Variants in RNLS observed in about 807,000 individuals in gnomAD.
RNLS encodes the protein renalase, FAD dependent amine oxidase.
RNLS carries 39 observed loss-of-function variants against 39.8 expected under a neutral mutation model. The observed-to-expected ratio is 0.98, with a 90% CI of 0.76 to 1.28. The LOEUF (loss-of-function observed/expected upper bound fraction) is 1.28. Among genes scored for constraint, RNLS ranks in the 50% most tolerant of loss-of-function variants. The pLI, the probability that RNLS is intolerant of heterozygous loss-of-function variation, is 0.00. For missense variants in RNLS, 410 were observed against 413.3 expected, an observed-to-expected ratio of 0.99 and a Z score of 0.07; for synonymous variants, 147 against 150.7, an observed-to-expected ratio of 0.98 and a Z score of 0.18.
intron 4 of RNLS, among the ~76,000 whole-genome samples, chr10:88,481,789 A>AT (rs1271127346): frequency 1.3e-5 from 2 of 151,796 alleles, no homozygotes; most frequent in Non-Finnish European, 1.5e-5. Context: ...ATTGCTTTTC[A>AT]TTTTTTTTCT....
the RNLS span, among the ~76,000 whole-genome samples, chr10:88,257,716 G>A: frequency 6.6e-6 from 1 of 152,120 alleles, no homozygotes; most frequent in Non-Finnish European, 1.5e-5. Flanking sequence ...ATCTCAGGTG[G>A]ATTCCTGTGC....
chr10:88,305,164 C>T (rs747005108), intron 6 of RNLS, among the ~76,000 whole-genome samples: 10 of 152,078 alleles, frequency 6.6e-5, no homozygotes, highest in African/African-American at 2.4e-4. Flanking sequence ...TGAGGGAACT[C>T]GTTACCACCA....
intron 4 of RNLS, among the ~76,000 whole-genome samples, chr10:88,504,732 TG>T (rs1845690535): frequency 6.6e-6 from 1 of 152,026 alleles, no homozygotes; most frequent in African/African-American, 2.4e-5. Context: ...GAACAATAAT[TG>T]TAAGAAAATC....
chr10:88,469,390 T>C (rs1378434835), intron 4 of RNLS, among the ~76,000 whole-genome samples: 1 of 152,146 alleles, frequency 6.6e-6, no homozygotes, highest in African/African-American at 2.4e-5. Context: ...ACTGTATAAA[T>C]ACTGGGACAT....
At chr10:88,418,784 T>C (rs528160119) in intron 4 of RNLS, among the ~76,000 whole-genome samples, 14 of 152,312 alleles carry the variant, frequency 9.2e-5, no homozygotes, top group South Asian at 4.1e-4. Context: ...ATGGAGTATA[T>C]ACTACAAATG....
chr10:88,425,972 G>A (rs967272128), intron 4 of RNLS, among the ~76,000 whole-genome samples: 4 of 152,036 alleles, frequency 2.6e-5, no homozygotes, highest in Non-Finnish European at 4.4e-5. Flanking sequence ...GAATGCACAA[G>A]TGTCCCTGAA....
chr10:88,524,932 A>G (rs2134211993), intron 4 of RNLS, among the ~76,000 whole-genome samples: 1 of 131,926 alleles, frequency 7.6e-6, no homozygotes, highest in Middle Eastern at 3.9e-3. Context: ...CATGTATGCC[A>G]TATATATATA....
the RNLS span, among the ~76,000 whole-genome samples, chr10:88,179,423 A>ATC: frequency 9.3e-5 from 14 of 151,000 alleles, no homozygotes; most frequent in Non-Finnish European, 1.3e-4. Context: ...CTTTTAAAGA[A>ATC]TCTCTCTCTC....
At chr10:88,203,000 G>A in the RNLS span, among the ~76,000 whole-genome samples, 1 of 151,726 alleles carries the variant, frequency 6.6e-6, no homozygotes, top group African/African-American at 2.4e-5. Context: ...AGACCCTTTT[G>A]GCTTTCTCTG....
At chr10:88,365,979 A>G (rs1257445308) in intron 4 of RNLS, among the ~76,000 whole-genome samples, 5 of 152,294 alleles carry the variant, frequency 3.3e-5, no homozygotes, top group African/African-American at 7.2e-5. Flanking sequence ...AAATCAATCT[A>G]TTCATCCATC....
chr10:88,321,258 A>G (rs1846165051), intron 5 of RNLS, among the ~76,000 whole-genome samples: 1 of 152,196 alleles, frequency 6.6e-6, no homozygotes, highest in Admixed American at 6.5e-5. Flanking sequence ...GAAACAAGTG[A>G]AAATAGAAAC....
At chr10:88,231,234 T>G in the RNLS span, among the ~76,000 whole-genome samples, 1 of 152,326 alleles carries the variant, frequency 6.6e-6, no homozygotes, top group East Asian at 1.9e-4. Flanking sequence ...AGGTTAAGCC[T>G]CTAATTCAAT....
chr10:88,446,933 G>A (rs1842068484), intron 4 of RNLS, among the ~76,000 whole-genome samples: 1 of 152,176 alleles, frequency 6.6e-6, no homozygotes. Context: ...CTCAATAAAT[G>A]CAGAAAAGTC....
At chr10:88,244,014 C>A in the RNLS span, among the ~76,000 whole-genome samples, 4 of 152,210 alleles carry the variant, frequency 2.6e-5, no homozygotes, top group Non-Finnish European at 5.9e-5. Flanking sequence ...CTTTGCTAAG[C>A]TTTAGATTTC....
chr10:88,492,346 G>A (rs900040497), intron 4 of RNLS, among the ~76,000 whole-genome samples: 1 of 151,928 alleles, frequency 6.6e-6, no homozygotes, highest in African/African-American at 2.4e-5. Flanking sequence ...TCTGGAAAAT[G>A]GCATGCAAGC....
the RNLS span, among the ~76,000 whole-genome samples, chr10:88,202,876 G>A: frequency 6.6e-6 from 1 of 152,072 alleles, no homozygotes; most frequent in Non-Finnish European, 1.5e-5. Context: ...GTGGCCACAT[G>A]TTCCTTGCAA....
chr10:88,566,050 A>G (rs1047909883), intron 4 of RNLS, among the ~76,000 whole-genome samples: 4 of 151,870 alleles, frequency 2.6e-5, no homozygotes, highest in African/African-American at 9.7e-5. Context: ...CCCGGCCAAT[A>G]TCATTTTTTA....
intron 4 of RNLS, among the ~76,000 whole-genome samples, chr10:88,540,060 G>A (rs1317280520): frequency 6.6e-6 from 1 of 152,028 alleles, no homozygotes; most frequent in Admixed American, 6.6e-5. Flanking sequence ...TAATTCTCTG[G>A]TTTTCGAAAT....
chr10:88,530,523 C>T (rs532046212), intron 4 of RNLS, among the ~76,000 whole-genome samples: 62 of 152,090 alleles, frequency 4.1e-4, no homozygotes, highest in African/African-American at 1.5e-3. Flanking sequence ...TTTAACTACT[C>T]GTTCAACATA....
Sources: gnomAD v4.1 joint callset for allele counts (sites outside exome capture counted in the v4.1 genomes callset) on GRCh38, gnomAD v4.1.1 for gene constraint, MANE v1.5 for transcripts, NCBI Gene and HGNC (gene_info 2026-07-23, HGNC 2026-07-21) for gene names.